The following LIMCH1 variants were observed in gnomAD, a reference collection of about 807,000 sequenced individuals.
The protein encoded by LIMCH1 is LIM and calponin homology domains-containing protein 1.
A neutral mutation model predicts 176.5 loss-of-function variants in LIMCH1; 113 were observed. That is an observed-to-expected ratio of 0.64 (90% CI 0.55 to 0.75). The LOEUF (loss-of-function observed/expected upper bound fraction) is 0.75. Ranked by LOEUF, LIMCH1 falls within the 30% of genes least tolerant of loss-of-function variation. The pLI is 0.00. For synonymous variants in LIMCH1, 619 were observed against 645.9 expected, an observed-to-expected ratio of 0.96 and a Z score of 0.63; for missense variants, 1,674 against 1,814.9, an observed-to-expected ratio of 0.92 and a Z score of 1.41.
rs535439884 is a variant in LIMCH1 at position 41,519,070 on chromosome 4, T to C, written c.168-5339T>C. Among the ~76,000 whole-genome samples, 11 of 152,274 alleles carry C rather than the reference T, an allele frequency of 7.2e-5. No individual in the cohort carries two copies. In the South Asian group the frequency reaches 2.1e-3, roughly 29 times the overall value. On this transcript the variant is annotated intron_variant, in intron 2 of 26. Transcript: ENST00000313860. The stretch of plus-strand genomic sequence containing the variant: ...CATGTGGAGCATTCCATTTGAAAAA[T>C]TGTTTCTTAATCTTTTAAGAACTGT...
intron 1 of LIMCH1, among the ~76,000 whole-genome samples, chr4:41,467,990 C>T (rs960275735): frequency 3.9e-5 from 6 of 152,142 alleles, no homozygotes; most frequent in Non-Finnish European, 7.3e-5. Context: ...TTTTGATAAT[C>T]TCCACTTTTT....
At chr4:41,380,888 G>T (rs370464202) in intron 1 of LIMCH1, among the ~76,000 whole-genome samples, 1 of 152,290 alleles carries the variant, frequency 6.6e-6, no homozygotes, top group East Asian at 1.9e-4. Flanking sequence ...ATACTATAAA[G>T]AGTAGTAGAA....
At chr4:41,581,373 C>T (rs28556904) in intron 1 of LIMCH1, among the ~76,000 whole-genome samples, 9,121 of 152,184 alleles carry the variant, frequency 0.06, 892 homozygotes, top group African/African-American at 0.2. Flanking sequence ...TAACTATAGT[C>T]ACCATCCTGC....
intron 1 of LIMCH1, among the ~76,000 whole-genome samples, chr4:41,578,423 A>G (rs2084859514): frequency 6.6e-6 from 1 of 152,210 alleles, no homozygotes; most frequent in Admixed American, 6.5e-5. Context: ...CAGATGAGAT[A>G]TGGGTGGGGA....
chr4:41,580,344 T>A lies in LIMCH1; in HGVS notation c.-240-18576T>A, dbSNP rs550256622. 5.9e-5 allele frequency among the ~76,000 whole-genome samples: 9 copies of A among 152,278 alleles called. No homozygotes were observed. In the East Asian group the frequency reaches 1.7e-3, roughly 29 times the overall value. On this transcript the variant is annotated intron_variant, in intron 1 of 31. Coordinates refer to ENST00000503057, the MANE Select transcript of LIMCH1 (RefSeq NM_001330672.2). ...AACAGGTCACACTCTGTGATCATGA[T>A]GCAATGGGTATAGAAATAATAACAA... is the stretch of plus-strand genomic sequence containing the variant.
chr4:41,660,874 G>A (rs553306054), intron 18 of LIMCH1, among the ~76,000 whole-genome samples: 1 of 152,218 alleles, frequency 6.6e-6, no homozygotes, highest in African/African-American at 2.4e-5. Context: ...GTAAGAACCA[G>A]TGAGAAAAGA....
At chr4:41,499,586 A>C (rs1228616077) in intron 2 of LIMCH1, among the ~76,000 whole-genome samples, 1 of 152,168 alleles carries the variant, frequency 6.6e-6, no homozygotes, top group Non-Finnish European at 1.5e-5. Context: ...TTGGAAGGGC[A>C]AGGTGGGGGG....
chr4:41,636,032 A>G (rs2093570677), intron 13 of LIMCH1, among the ~76,000 whole-genome samples: 1 of 151,912 alleles, frequency 6.6e-6, no homozygotes, highest in South Asian at 2.1e-4. Context: ...TCAGCCTCCC[A>G]AGTAGCTGGG....
chr4:41,370,337 T>A (rs2053772675), intron 1 of LIMCH1, among the ~76,000 whole-genome samples: 1 of 152,132 alleles, frequency 6.6e-6, no homozygotes, highest in South Asian at 2.1e-4. Context: ...GAAGAATTTT[T>A]ATTATAGTGG....
At chr4:41,522,190 G>A (rs2076188085) in intron 2 of LIMCH1, among the ~76,000 whole-genome samples, 3 of 152,092 alleles carry the variant, frequency 2.0e-5, no homozygotes, top group Non-Finnish European at 4.4e-5. Flanking sequence ...TGATCTGTCA[G>A]CTCTGCAGTC....
At chr4:41,512,653 G>T (rs1190475114) in intron 2 of LIMCH1, among the ~76,000 whole-genome samples, 2 of 152,074 alleles carry the variant, frequency 1.3e-5, no homozygotes, top group African/African-American at 4.8e-5. Context: ...AGTCATAAAA[G>T]ACTACACATT....
At chr4:41,672,525 C>T (rs991295470) in intron 22 of LIMCH1, among the ~76,000 whole-genome samples, 1 of 152,142 alleles carries the variant, frequency 6.6e-6, no homozygotes, top group Admixed American at 6.5e-5. Context: ...CCTGAACTCT[C>T]CAAGAGACCC....
intron 1 of LIMCH1, among the ~76,000 whole-genome samples, chr4:41,448,817 G>A (rs1342360117): frequency 6.6e-6 from 1 of 152,062 alleles, no homozygotes; most frequent in Non-Finnish European, 1.5e-5. Context: ...GGCTGATACG[G>A]TGGTCTCCAA....
intron 4 of LIMCH1, among the ~76,000 whole-genome samples, chr4:41,610,984 C>T (rs1044802757): frequency 6.6e-6 from 1 of 152,216 alleles, no homozygotes; most frequent in Non-Finnish European, 1.5e-5. Flanking sequence ...AGGAAGTGCT[C>T]ACTGGAACAT....
intron 1 of LIMCH1, among the ~76,000 whole-genome samples, chr4:41,580,998 A>G (rs1027139886): frequency 6.6e-6 from 1 of 152,194 alleles, no homozygotes; most frequent in Non-Finnish European, 1.5e-5. Context: ...ACTGTAGAAG[A>G]TACTGGAAAG....
Position 41,510,066 on chromosome 4 carries a change from C to T in LIMCH1, c.168-14343C>T, listed in dbSNP as rs150489626. Among the ~76,000 whole-genome samples, 216 of 152,274 alleles carry T rather than the reference C, an allele frequency of 1.4e-3. 1 individual carries two copies. The highest frequency in any genetic ancestry group is 6.8e-3 in the Middle Eastern group (2 of 294). ...TGACCCAGACCCAGTAGGGCATTTA[C>T]AGAGTTTGTTTTGAAGCTTCCTAGA... On this transcript the variant is annotated intron_variant, in intron 2 of 26. Coordinates refer to the LIMCH1 transcript ENST00000313860.
At chr4:41,569,274 C>T (rs1328402039) in intron 1 of LIMCH1, among the ~76,000 whole-genome samples, 1 of 152,156 alleles carries the variant, frequency 6.6e-6, no homozygotes, top group Non-Finnish European at 1.5e-5. Flanking sequence ...GCCCTTTTAG[C>T]CTGAACGAAG....
chr4:41,456,509 A>G (rs527534274), intron 1 of LIMCH1, among the ~76,000 whole-genome samples: 1 of 152,250 alleles, frequency 6.6e-6, no homozygotes, highest in East Asian at 1.9e-4. Context: ...GCCCTTGACC[A>G]TCTTCTTTGA....
At chr4:41,374,023 A>G (rs1159649705) in intron 1 of LIMCH1, among the ~76,000 whole-genome samples, 1 of 152,148 alleles carries the variant, frequency 6.6e-6, no homozygotes, top group Non-Finnish European at 1.5e-5. Flanking sequence ...CTCCCCAGCC[A>G]TGCTTCCTGT....
Sources: gnomAD v4.1 joint callset for allele counts (sites outside exome capture counted in the v4.1 genomes callset) on GRCh38, gnomAD v4.1.1 for gene constraint, MANE v1.5 for transcripts, NCBI Gene and HGNC (gene_info 2026-07-23, HGNC 2026-07-21) for gene names.